Variants in SNTB1 observed in about 807,000 individuals in gnomAD.
SNTB1 encodes syntrophin beta 1, also known as beta-1-syntrophin.
A neutral mutation model predicts 48.9 loss-of-function variants in SNTB1; 36 were observed. The ratio of observed to expected loss-of-function variants is 0.74; its 90% CI spans 0.56 to 0.97. SNTB1 has a LOEUF of 0.97. Among genes scored for constraint, SNTB1 ranks in the 50% least tolerant of loss-of-function variants. SNTB1 has a pLI of 0.00. For synonymous variants in SNTB1, 299 were observed against 294.6 expected, an observed-to-expected ratio of 1.01 and a Z score of -0.15; for missense variants, 786 against 703.4, an observed-to-expected ratio of 1.12 and a Z score of -1.33.
intron 1 of SNTB1, 92 bp downstream of exon 1, chr8:120,811,181 G>A: frequency 6.7e-7 from 1 of 1,481,982 alleles, no homozygotes. Flanking sequence ...GTGTCCGCAT[G>A]TGGCCGAGTG....
chr8:120,600,857 A>G (rs1816410741), intron 3 of SNTB1, among the ~76,000 whole-genome samples: 1 of 151,924 alleles, frequency 6.6e-6, no homozygotes, highest in Middle Eastern at 3.4e-3. Flanking sequence ...GGGCAGGGCC[A>G]TCCTGGGAAA....
intron 1 of SNTB1, among the ~76,000 whole-genome samples, chr8:120,785,781 A>C (rs7010152): frequency 0.11 from 17,215 of 152,254 alleles, 1,387 homozygotes; most frequent in African/African-American, 0.22. Context: ...CCACAGCTGG[A>C]GCTCTTTTGC....
intron 1 of SNTB1, among the ~76,000 whole-genome samples, chr8:120,742,199 C>G (rs1357112583): frequency 6.6e-6 from 1 of 152,214 alleles, no homozygotes; most frequent in Non-Finnish European, 1.5e-5. Flanking sequence ...AAGCAAAGCA[C>G]TGCCTGCCAT....
chr8:120,743,451 G>A (rs1315158181), intron 1 of SNTB1, among the ~76,000 whole-genome samples: 1 of 152,208 alleles, frequency 6.6e-6, no homozygotes, highest in Admixed American at 6.5e-5. Context: ...ATGCAGGCAG[G>A]AGTGATCGGA....
At chr8:120,801,731 A>C (rs77500473) in intron 1 of SNTB1, among the ~76,000 whole-genome samples, 2 of 152,164 alleles carry the variant, frequency 1.3e-5, no homozygotes, top group African/African-American at 2.4e-5. Context: ...TTGGATGGAC[A>C]TAGAGTTCTT....
chr8:120,708,377 G>A (rs138788125), intron 1 of SNTB1, among the ~76,000 whole-genome samples: 598 of 151,942 alleles, frequency 3.9e-3, no homozygotes, highest in Non-Finnish European at 6.3e-3. Flanking sequence ...CTACCAAATC[G>A]TTAAAGAACA....
chr8:120,581,510 A>G (rs1351045876), intron 3 of SNTB1, among the ~76,000 whole-genome samples: 1 of 152,076 alleles, frequency 6.6e-6, no homozygotes, highest in Admixed American at 6.5e-5. Context: ...AGGCTGAGGC[A>G]TGAGAATCGC....
At chr8:120,547,671 G>C (rs1021177903) in intron 5 of SNTB1, among the ~76,000 whole-genome samples, 1 of 151,442 alleles carries the variant, frequency 6.6e-6, no homozygotes, top group African/African-American at 2.4e-5. Context: ...GCATATAGCA[G>C]GTCCTTAATA....
chr8:120,721,574 A>G (rs1689268823), intron 1 of SNTB1, among the ~76,000 whole-genome samples: 1 of 152,198 alleles, frequency 6.6e-6, no homozygotes, highest in Non-Finnish European at 1.5e-5. Flanking sequence ...TAATGAGTAA[A>G]TGTGACAAAG....
Position 120,764,797 on chromosome 8 carries a change from A to G in SNTB1, c.571+46476T>C, listed in dbSNP as rs559462824. Among the ~76,000 whole-genome samples the G allele has an allele frequency of 2.0e-5, 3 of 152,334 alleles. No homozygotes were observed. In the South Asian group the frequency reaches 6.2e-4, roughly 32 times the overall value. ...AGTGTAGACTTTAATAAGTGATGCA[A>G]GAAGTTCCCATCCAAGAAAACCATC... On this transcript the variant is annotated intron_variant, in intron 1 of 6. Transcript: ENST00000517992.
At chr8:120,629,290 G>C (rs1410340108) in intron 3 of SNTB1, among the ~76,000 whole-genome samples, 2 of 152,060 alleles carry the variant, frequency 1.3e-5, no homozygotes, top group African/African-American at 4.8e-5. Context: ...GGAGGTTTTA[G>C]GATTTGCACT....
intron 3 of SNTB1, among the ~76,000 whole-genome samples, chr8:120,588,561 G>T (rs924870515): frequency 5.9e-5 from 9 of 151,674 alleles, no homozygotes; most frequent in African/African-American, 2.2e-4. Flanking sequence ...CTTCCTGGCA[G>T]CAAGGAGGGA....
At chr8:120,654,947 T>C in intron 2 of SNTB1, 1 of 456,092 alleles carries the variant, frequency 2.2e-6, no homozygotes, top group Non-Finnish European at 4.4e-6. Context: ...TCTTGCTGGC[T>C]TGCAGCAACT....
intron 4 of SNTB1, among the ~76,000 whole-genome samples, chr8:120,571,753 C>T (rs544136328): frequency 1.3e-5 from 2 of 152,168 alleles, no homozygotes; most frequent in Non-Finnish European, 2.9e-5. Flanking sequence ...CCCTCCTCGG[C>T]CTCCCAGAGT....
intron 1 of SNTB1, among the ~76,000 whole-genome samples, chr8:120,697,388 A>G (rs895413122): frequency 6.6e-6 from 1 of 152,224 alleles, no homozygotes; most frequent in South Asian, 2.1e-4. Flanking sequence ...CATTCGGTCA[A>G]AACTTATCAG....
intron 2 of SNTB1, among the ~76,000 whole-genome samples, chr8:120,649,240 G>A (rs894204125): frequency 7.3e-5 from 11 of 151,722 alleles, no homozygotes; most frequent in East Asian, 1.9e-4. Flanking sequence ...GAGGAGAGGC[G>A]CTCTGCTTTT....
At chr8:120,777,016 G>A (rs1480403217) in intron 1 of SNTB1, among the ~76,000 whole-genome samples, 2 of 152,142 alleles carry the variant, frequency 1.3e-5, no homozygotes, top group East Asian at 3.9e-4. Context: ...AGTTTTAATA[G>A]TAAGCATCTA....
intron 2 of SNTB1, among the ~76,000 whole-genome samples, chr8:120,664,724 A>AT (rs1188652301): frequency 6.6e-6 from 1 of 152,224 alleles, no homozygotes; most frequent in Non-Finnish European, 1.5e-5. Context: ...AGCAGCAAAT[A>AT]ATGCTGCTAT....
chr8:120,581,989 C>A (rs1409524813), intron 3 of SNTB1, among the ~76,000 whole-genome samples: 1 of 151,632 alleles, frequency 6.6e-6, no homozygotes, highest in Non-Finnish European at 1.5e-5. Context: ...GAGTCAAGAC[C>A]ATGCCATTGC....
Sources: allele counts gnomAD v4.1 joint callset (sites outside exome capture counted in the v4.1 genomes callset), GRCh38; gene constraint gnomAD v4.1.1; transcripts MANE v1.5; gene names NCBI Gene and HGNC (gene_info 2026-07-23, HGNC 2026-07-21).